The following PDE8A variants were observed in gnomAD, a reference collection of about 807,000 sequenced individuals.
The protein encoded by PDE8A is high affinity cAMP-specific and IBMX-insensitive 3',5'-cyclic phosphodiesterase 8A.
In PDE8A, 59 loss-of-function variants were observed where a neutral mutation model predicts 105.0. That is an observed-to-expected ratio of 0.56 (90% confidence interval 0.46 to 0.70). The LOEUF (loss-of-function observed/expected upper bound fraction) is 0.70. PDE8A is among the 30% of genes least tolerant of loss of function. The probability of loss-of-function intolerance (pLI) is 0.00; values close to 1 mark genes in which losing one functional copy is unlikely to be tolerated. For missense variants in PDE8A, 1,014 were observed against 1,045.9 expected, an observed-to-expected ratio of 0.97 and a Z score of 0.42; for synonymous variants, 355 against 371.9, an observed-to-expected ratio of 0.95 and a Z score of 0.52.
chr15:85,026,229 T>C (rs1435355755), intron 1 of PDE8A, among the ~76,000 whole-genome samples: 1 of 152,154 alleles, frequency 6.6e-6, no homozygotes, highest in Non-Finnish European at 1.5e-5. Context: ...GGCTCAGGAA[T>C]TGGACAGGGT....
At chr15:85,065,809 G>T (rs1001378960) in intron 2 of PDE8A, among the ~76,000 whole-genome samples, 15 of 152,240 alleles carry the variant, frequency 9.9e-5, no homozygotes, top group African/African-American at 3.1e-4. Context: ...GAATAGCAGG[G>T]AGAGAGAGGG....
intron 5 of PDE8A, among the ~76,000 whole-genome samples, chr15:85,079,033 A>G (rs1275314786): frequency 6.6e-6 from 1 of 152,156 alleles, no homozygotes; most frequent in African/African-American, 2.4e-5. Flanking sequence ...AGGAGGGAAA[A>G]GTAGTGAGCT....
At chr15:85,108,362 A>G (rs759396610) in intron 11 of PDE8A, among the ~76,000 whole-genome samples, 3 of 152,192 alleles carry the variant, frequency 2.0e-5, no homozygotes, top group African/African-American at 7.2e-5. Flanking sequence ...CTCATCTGCA[A>G]AGCAGCTCCT....
chr15:84,983,741 CA>C (rs1052356080), intron 1 of PDE8A, among the ~76,000 whole-genome samples: 1 of 152,218 alleles, frequency 6.6e-6, no homozygotes, highest in Admixed American at 6.5e-5. Flanking sequence ...GTTTTCAGTC[CA>C]AATCTAACAT....
In PDE8A at chr15:85,120,786, CTT is replaced by C. The variant is rs998555107; in HGVS notation, c.1735-10_1735-9del. 1.3e-6 allele frequency: 2 copies of C among 1,579,048 alleles called. No homozygotes were observed. The highest frequency in any genetic ancestry group is 1.7e-6 in the Non-Finnish European group (2 of 1,159,280). ...TCATACCCCAGTTTTTAAAAGCTCT[CTT>C]GTTTTCAGGAAACTTTAGATCCAAT... On this transcript the variant is annotated splice_polypyrimidine_tract_variant and intron_variant, in intron 17 of 21. Coordinates refer to ENST00000394553, the MANE Select transcript of PDE8A (RefSeq NM_002605.3).
intron 1 of PDE8A, among the ~76,000 whole-genome samples, chr15:85,048,266 T>A (rs987343471): frequency 2.6e-5 from 4 of 152,180 alleles, no homozygotes; most frequent in African/African-American, 9.7e-5. Flanking sequence ...GTTTTTACTT[T>A]AGGAATATAT....
In PDE8A at chr15:85,053,879, C is replaced by T. The variant is rs1262244140; in HGVS notation, c.187-10491C>T. On this transcript the variant is annotated intron_variant, in intron 1 of 21. Coordinates refer to ENST00000394553, the MANE Select transcript of PDE8A (RefSeq NM_002605.3). ...GTTGAATAGGAGTGGTGAGAGAGGGCATCCCTGTCTTGTGCCAGTTTTCAA... is the reference window on the plus strand; with the variant it reads ...GTTGAATAGGAGTGGTGAGAGAGGGTATCCCTGTCTTGTGCCAGTTTTCAA... Among the ~76,000 whole-genome samples, 7 of 152,344 alleles carry T rather than the reference C, an allele frequency of 4.6e-5. No homozygotes were observed. In the East Asian group the frequency reaches 1.2e-3, roughly 25 times the overall value.
intron 1 of PDE8A, among the ~76,000 whole-genome samples, chr15:84,995,686 G>A (rs77407843): frequency 6.6e-6 from 1 of 152,114 alleles, no homozygotes; most frequent in African/African-American, 2.4e-5. Context: ...TATGTTTCAT[G>A]TCTCAGTAGT....
At chr15:84,981,791 G>T (rs1370016879), upstream of PDE8A, among the ~76,000 whole-genome samples, 1 of 151,116 alleles carries the variant, frequency 6.6e-6, no homozygotes, top group East Asian at 1.9e-4. Context: ...TGGCTCGCGC[G>T]GCGTGGACTC....
At chr15:85,127,158 A>G (rs1054933058) in intron 20 of PDE8A, among the ~76,000 whole-genome samples, 3 of 152,156 alleles carry the variant, frequency 2.0e-5, no homozygotes, top group Non-Finnish European at 4.4e-5. Flanking sequence ...TGATCATGTC[A>G]CTGCACTCCA....
intron 1 of PDE8A, among the ~76,000 whole-genome samples, chr15:84,991,991 A>C (rs997297889): frequency 2.0e-5 from 3 of 152,232 alleles, no homozygotes; most frequent in African/African-American, 7.2e-5. Flanking sequence ...CTAACAACAA[A>C]AAAAAGATTA....
At chr15:85,111,452 A>G (rs1382317655) in intron 12 of PDE8A, among the ~76,000 whole-genome samples, 4 of 152,218 alleles carry the variant, frequency 2.6e-5, no homozygotes, top group Admixed American at 2.0e-4. Context: ...CAACTCGTCT[A>G]TCACCATATT....
chr15:85,059,857 A>C (rs950616838), intron 1 of PDE8A, among the ~76,000 whole-genome samples: 2 of 152,202 alleles, frequency 1.3e-5, no homozygotes, highest in African/African-American at 4.8e-5. Context: ...AACATTTAAA[A>C]ATTAACCAGA....
intron 1 of PDE8A, among the ~76,000 whole-genome samples, chr15:85,051,408 A>G (rs980937910): frequency 6.6e-6 from 1 of 152,132 alleles, no homozygotes; most frequent in Middle Eastern, 3.2e-3. Context: ...ACCATTCATT[A>G]TGATGTTTGC....
At chr15:85,134,498 G>T (rs756820019) in intron 20 of PDE8A, among the ~76,000 whole-genome samples, 1 of 151,954 alleles carries the variant, frequency 6.6e-6, no homozygotes, top group Admixed American at 6.6e-5. Context: ...GCTGCCAACA[G>T]CAGGGCCTTC....
intron 13 of PDE8A, 134 bp from the exon 14 acceptor site, chr15:85,113,739 C>T (rs1342809908): frequency 5.7e-6 from 4 of 705,370 alleles, no homozygotes; most frequent in Admixed American, 5.6e-5. Flanking sequence ...AGGCTAGTCT[C>T]AAACTCCTGG....
intron 1 of PDE8A, among the ~76,000 whole-genome samples, chr15:85,039,261 A>G (rs1006261824): frequency 1.3e-5 from 2 of 152,030 alleles, no homozygotes; most frequent in Non-Finnish European, 2.9e-5. Context: ...CCTCATTTCT[A>G]TAGAACACAA....
chr15:85,123,276 A>C, intron 19 of PDE8A, 83 bp downstream of exon 19: 1 of 1,360,630 alleles, frequency 7.3e-7, no homozygotes, highest in Non-Finnish European at 1.0e-6. Flanking sequence ...CTATGATATC[A>C]GCCACAGAAG....
rs372411736 is a variant in PDE8A at position 85,137,943 on chromosome 15, G to T, written c.*40G>T. 3 of 1,307,402 alleles carry T rather than the reference G, an allele frequency of 2.3e-6. No individual in the cohort carries two copies. The highest frequency in any genetic ancestry group is 3.3e-6 in the Non-Finnish European group (3 of 904,286). 81.0% of individuals were successfully genotyped at this position (1,307,402 alleles called of 1,614,324 possible). A position where few individuals can be genotyped will look rare whatever the true frequency, so the allele number is the denominator to read the frequency against. ...CAGAGCCCTGAAGCTTTGTTCCTTC[G>T]GTCATTTGGAATTCCTGAGGGCAGC... On this transcript the variant is annotated 3_prime_UTR_variant, in exon 22 of 22. Transcript: ENST00000394553.
Sources: allele counts gnomAD v4.1 joint callset (sites outside exome capture counted in the v4.1 genomes callset), GRCh38; gene constraint gnomAD v4.1.1; transcripts MANE v1.5; gene names NCBI Gene and HGNC (gene_info 2026-07-23, HGNC 2026-07-21).